The following CHRNA7 variants were observed in gnomAD, a reference collection of about 807,000 sequenced individuals.
CHRNA7 encodes neuronal acetylcholine receptor subunit alpha-7.
A neutral mutation model predicts 48.0 loss-of-function variants in CHRNA7; 17 were observed. The observed-to-expected ratio is 0.35, with a 90% CI of 0.24 to 0.53. The LOEUF (loss-of-function observed/expected upper bound fraction) is 0.53, where lower values mean the gene tolerates loss of function less well. Ranked by LOEUF, CHRNA7 falls within the 20% of genes least tolerant of loss-of-function variation. CHRNA7 has a pLI of 0.92. For synonymous variants in CHRNA7, 75 were observed against 242.3 expected, an observed-to-expected ratio of 0.31 and a Z score of 6.41; for missense variants, 155 against 577.7, an observed-to-expected ratio of 0.27 and a Z score of 7.50.
chr15:32,055,230 CTT>C (rs57589623), intron 2 of CHRNA7, among the ~76,000 whole-genome samples: 1 of 144,244 alleles, frequency 6.9e-6, no homozygotes, highest in African/African-American at 2.7e-5. Context: ...TTCTCTCTCT[CTT>C]TTTTTTTTGT....
chr15:32,045,666 A>T (rs2049528575), intron 2 of CHRNA7, among the ~76,000 whole-genome samples: 1 of 151,316 alleles, frequency 6.6e-6, no homozygotes, highest in African/African-American at 2.4e-5. Flanking sequence ...CCTTCCAAGT[A>T]GCTGGTATTT....
At chr15:32,058,603 A>C (rs1384335984) in intron 2 of CHRNA7, among the ~76,000 whole-genome samples, 1 of 152,172 alleles carries the variant, frequency 6.6e-6, no homozygotes, top group Admixed American at 6.5e-5. Context: ...GGAAATGAAC[A>C]CAGAGTAGGA....
intron 3 of CHRNA7, among the ~76,000 whole-genome samples, chr15:32,103,915 A>G (rs926677381): frequency 2.6e-5 from 4 of 152,172 alleles, no homozygotes; most frequent in African/African-American, 4.8e-5. Flanking sequence ...TGACCTGCAA[A>G]ACCGATCCAG....
chr15:32,094,032 G>A (rs974936183), intron 2 of CHRNA7, among the ~76,000 whole-genome samples: 7 of 152,114 alleles, frequency 4.6e-5, no homozygotes, highest in South Asian at 2.1e-4. Context: ...CAGGATCTTC[G>A]GGGTGCTGTG....
chr15:32,155,098 C>T (rs1250411451), intron 5 of CHRNA7, among the ~76,000 whole-genome samples: 2 of 38,538 alleles, frequency 5.2e-5, no homozygotes, highest in African/African-American at 2.7e-4. Flanking sequence ...TTACACACCA[C>T]TCTCACACAC....
In CHRNA7 at chr15:32,149,985, C is replaced by T. The variant is rs530404667; in HGVS notation, c.351-3922C>T. On this transcript the variant is annotated intron_variant, in intron 4 of 9. Coordinates refer to ENST00000306901, the MANE Select transcript of CHRNA7 (RefSeq NM_000746.6). This position sits in a 1 kb window ranked among gnomAD's most constrained non-coding sequence, Gnocchi z 4.6. The stretch of plus-strand genomic sequence containing the variant: ...CTTAAAATAAGCAAAACTTTGTTCC[C>T]CATAACATGCATCAAACCACACTAT... Among the ~76,000 whole-genome samples the T allele has an allele frequency of 4.0e-5, 6 of 151,844 alleles. No individual in the cohort carries two copies. In the South Asian group the frequency reaches 1.3e-3, roughly 32 times the overall value.
chr15:32,044,173 T>A (rs1199114389), intron 2 of CHRNA7, among the ~76,000 whole-genome samples: 1 of 152,226 alleles, frequency 6.6e-6, no homozygotes, highest in Non-Finnish European at 1.5e-5. Flanking sequence ...CTGCTTGGGA[T>A]TCAGAATGAC....
rs539074401 is a variant in CHRNA7, at chr15:32,087,297, C to G, written c.196-14006C>G. On this transcript the variant is annotated intron_variant, in intron 2 of 9. Transcript: ENST00000306901. Reference sequence around the variant, plus strand: ...TTGTTAAATTTGCTGCAGTATCCCTCTGGCTTAACAGCACTGGTGTTATTT... The same window carrying G: ...TTGTTAAATTTGCTGCAGTATCCCTGTGGCTTAACAGCACTGGTGTTATTT... Among the ~76,000 whole-genome samples the G allele has an allele frequency of 2.0e-5, 3 of 152,306 alleles. No individual in the cohort carries two copies. In the South Asian group the frequency reaches 6.2e-4, roughly 32 times the overall value.
At chr15:32,115,926 CA>C (rs1488546623) in intron 4 of CHRNA7, among the ~76,000 whole-genome samples, 1 of 152,166 alleles carries the variant, frequency 6.6e-6, no homozygotes, top group Non-Finnish European at 1.5e-5. Context: ...AGAAAACATT[CA>C]ACTGAGACTG....
chr15:32,109,869 G>C (rs547506556), intron 3 of CHRNA7, among the ~76,000 whole-genome samples: 1 of 152,320 alleles, frequency 6.6e-6, no homozygotes, highest in Non-Finnish European at 1.5e-5. Flanking sequence ...GGGGTGTGCG[G>C]GGTGTGGGGA....
At chr15:32,142,234 A>G (rs915002261) in intron 4 of CHRNA7, among the ~76,000 whole-genome samples, 8 of 152,164 alleles carry the variant, frequency 5.3e-5, no homozygotes, top group Non-Finnish European at 7.4e-5. Context: ...ATTGATTTGC[A>G]TATATTGAAC....
At chr15:32,142,113 A>T (rs1411213790) in intron 4 of CHRNA7, among the ~76,000 whole-genome samples, 5 of 152,306 alleles carry the variant, frequency 3.3e-5, no homozygotes, top group Admixed American at 6.5e-5. Flanking sequence ...TAGTTTATTG[A>T]GAGTTTTTAG....
At position 32,170,626 on chromosome 15, in the gene CHRNA7, T is replaced by C. The variant is rs1252321644; in HGVS notation, c.*2168T>C. The C allele has an allele frequency of 7.8e-6, 1 of 127,684 alleles. No individual in the cohort carries two copies. Among genetic ancestry groups the C allele is most frequent in the Non-Finnish European group, 1.8e-5 (1 of 56,762 alleles). 7.9% of individuals were successfully genotyped at this position (127,684 alleles called of 1,614,324 possible). A position where few individuals can be genotyped will look rare whatever the true frequency, so the allele number is the denominator to read the frequency against. On this transcript the variant is annotated 3_prime_UTR_variant, in exon 10 of 10. Transcript: ENST00000306901. ...GTTGTGCATATTTTGGACTCTCAAA[T>C]AACTTCTCTGTCCTTTAATAAAGTA...
At chr15:32,120,579 G>T (rs2050951249) in intron 4 of CHRNA7, among the ~76,000 whole-genome samples, 1 of 152,038 alleles carries the variant, frequency 6.6e-6, no homozygotes, top group African/African-American at 2.4e-5. Context: ...AGCGTGGAAT[G>T]ACAGAACCCA....
intron 3 of CHRNA7, among the ~76,000 whole-genome samples, chr15:32,109,361 A>G (rs925276317): frequency 3.3e-5 from 5 of 152,096 alleles, no homozygotes; most frequent in African/African-American, 1.2e-4. Context: ...CTTTACTGCA[A>G]CCTGTTTTAT....
intron 2 of CHRNA7, among the ~76,000 whole-genome samples, chr15:32,048,512 C>G (rs1363272467): frequency 2.0e-5 from 3 of 152,034 alleles, no homozygotes; most frequent in African/African-American, 4.8e-5. Flanking sequence ...GATTGGTGGT[C>G]ATATCCCCTT....
intron 2 of CHRNA7, among the ~76,000 whole-genome samples, chr15:32,051,090 G>T (rs887456601): frequency 1.3e-5 from 2 of 151,708 alleles, no homozygotes; most frequent in African/African-American, 4.8e-5. Context: ...CTGCTCGGGG[G>T]TCAGGGGTCA....
At chr15:32,088,961 T>C (rs2141243262) in intron 2 of CHRNA7, among the ~76,000 whole-genome samples, 1 of 152,342 alleles carries the variant, frequency 6.6e-6, no homozygotes, top group Middle Eastern at 3.4e-3. Context: ...TGGATCATCA[T>C]GCCTTTGCTG....
intron 4 of CHRNA7, among the ~76,000 whole-genome samples, chr15:32,152,443 A>C (rs1437969039): frequency 1.1e-4 from 16 of 149,386 alleles, no homozygotes; most frequent in Non-Finnish European, 2.3e-4. Flanking sequence ...ACTCCATTTC[A>C]AAAAAAAAGG....
Sources: allele counts gnomAD v4.1 joint callset (sites outside exome capture counted in the v4.1 genomes callset), GRCh38; gene constraint gnomAD v4.1.1; non-coding constraint Gnocchi (gnomAD v3.1); transcripts MANE v1.5; gene names NCBI Gene and HGNC (gene_info 2026-07-23, HGNC 2026-07-21).